Variants in RBFOX1 observed in about 807,000 individuals in gnomAD.
RBFOX1 encodes the protein RNA binding fox-1 homolog 1.
Under a neutral mutation model 57.7 loss-of-function variants are expected in RBFOX1, and 8 were observed. The ratio of observed to expected loss-of-function variants is 0.14; its 90% CI spans 0.08 to 0.25. The LOEUF (loss-of-function observed/expected upper bound fraction) is 0.25. Ranked by LOEUF, RBFOX1 falls within the 10% of genes least tolerant of loss-of-function variation. The pLI is 1.00. For missense variants in RBFOX1, 611 were observed against 548.5 expected (o/e 1.11, Z -1.14); for synonymous variants, 326 against 222.4 (o/e 1.47, Z -4.15).
At chr16:6,579,521 A>C (rs916101991) in intron 2 of RBFOX1, among the ~76,000 whole-genome samples, 1 of 152,152 alleles carries the variant, frequency 6.6e-6, no homozygotes, top group Non-Finnish European at 1.5e-5. Flanking sequence ...GAGTTCTCAC[A>C]AAACCTAATG....
intron 2 of RBFOX1, among the ~76,000 whole-genome samples, chr16:6,521,558 C>G (rs1250900144): frequency 6.7e-6 from 1 of 148,172 alleles, no homozygotes; most frequent in Non-Finnish European, 1.5e-5. Flanking sequence ...CCTTCCCTCG[C>G]TCTCTTTGTC....
At chr16:7,510,472 T>C (rs570890889) in intron 4 of RBFOX1, among the ~76,000 whole-genome samples, 17 of 130,882 alleles carry the variant, frequency 1.3e-4, no homozygotes, top group Non-Finnish European at 2.0e-4. Flanking sequence ...AGAGAGTGTG[T>C]GTGTGTATGT....
chr16:6,424,081 T>C (rs1000614568), intron 2 of RBFOX1, among the ~76,000 whole-genome samples: 1 of 151,946 alleles, frequency 6.6e-6, no homozygotes, highest in Non-Finnish European at 1.5e-5. Context: ...CTACTAAAAA[T>C]AACAAAAATC....
intron 3 of RBFOX1, among the ~76,000 whole-genome samples, chr16:6,836,488 T>C (rs889112476): frequency 6.6e-6 from 1 of 152,236 alleles, no homozygotes; most frequent in South Asian, 2.1e-4. Flanking sequence ...GCTTTCTGTA[T>C]CACTTCAAAC....
intron 4 of RBFOX1, among the ~76,000 whole-genome samples, chr16:7,413,805 A>C (rs1016503992): frequency 6.6e-6 from 1 of 152,028 alleles, no homozygotes; most frequent in East Asian, 1.9e-4. Flanking sequence ...GATCCCAGGT[A>C]CCTCTCATGA....
chr16:6,472,942 C>T (rs536132895), intron 2 of RBFOX1, among the ~76,000 whole-genome samples: 1 of 152,030 alleles, frequency 6.6e-6, no homozygotes, highest in African/African-American at 2.4e-5. Flanking sequence ...TTATTTAGGA[C>T]CCTCAAGGAA....
chr16:6,587,246 T>A (rs1345959507), intron 2 of RBFOX1, among the ~76,000 whole-genome samples: 1 of 152,078 alleles, frequency 6.6e-6, no homozygotes, highest in Non-Finnish European at 1.5e-5. Flanking sequence ...TTCTTTAAGA[T>A]TCCACATACA....
At chr16:6,925,808 C>T (rs1229998327) in intron 3 of RBFOX1, among the ~76,000 whole-genome samples, 1 of 152,008 alleles carries the variant, frequency 6.6e-6, no homozygotes, top group South Asian at 2.1e-4. Context: ...TAAAATAAGC[C>T]TGGCGAAATT....
chr16:6,913,767 G>C (rs1231018915), intron 3 of RBFOX1, among the ~76,000 whole-genome samples: 10 of 152,162 alleles, frequency 6.6e-5, no homozygotes. Flanking sequence ...TAAGTCCACT[G>C]TGGGAAGCTA....
intron 12 of RBFOX1, 163 bp from the exon 13 acceptor site, chr16:7,664,766 A>G (rs1053191242): frequency 7.8e-7 from 1 of 1,284,574 alleles, no homozygotes; most frequent in African/African-American, 1.5e-5. Flanking sequence ...CGGTTTGCTC[A>G]ACTGCCGTTG....
chr16:6,438,512 C>G (rs1290786475), intron 2 of RBFOX1, among the ~76,000 whole-genome samples: 1 of 152,160 alleles, frequency 6.6e-6, no homozygotes, highest in Non-Finnish European at 1.5e-5. Context: ...AGACTTTAGA[C>G]ATTGTTTGGT....
intron 4 of RBFOX1, among the ~76,000 whole-genome samples, chr16:7,111,745 G>C (rs1453599471): frequency 7.1e-6 from 1 of 140,500 alleles, no homozygotes; most frequent in East Asian, 2.2e-4. Context: ...TATTCTGATT[G>C]TTATTTTGTA....
chr16:6,701,260 C>G (rs572700849), intron 3 of RBFOX1, among the ~76,000 whole-genome samples: 1 of 152,196 alleles, frequency 6.6e-6, no homozygotes, highest in Non-Finnish European at 1.5e-5. Flanking sequence ...AGGAGGCTCT[C>G]TGCAGCTGAC....
chr16:6,249,003 C>T (rs563278053), intron 1 of RBFOX1, among the ~76,000 whole-genome samples: 128 of 152,164 alleles, frequency 8.4e-4, no homozygotes, highest in African/African-American at 2.7e-3. Flanking sequence ...CTCCATGAGC[C>T]GTATGTTCAT....
chr16:5,630,466 G>A (rs9924085), intron 3 of RBFOX1, among the ~76,000 whole-genome samples: 15,533 of 151,392 alleles, frequency 0.1, 2,674 homozygotes, highest in African/African-American at 0.36. Flanking sequence ...CGAAAAAAAA[G>A]AAAGAAAAAA....
intron 3 of RBFOX1, among the ~76,000 whole-genome samples, chr16:5,615,686 G>A (rs541923280): frequency 3.3e-5 from 5 of 152,300 alleles, no homozygotes; most frequent in African/African-American, 1.2e-4. Context: ...CCGTTTCTAT[G>A]TGTCAAGAAG....
intron 3 of RBFOX1, among the ~76,000 whole-genome samples, chr16:6,842,215 A>C (rs547464228): frequency 6.6e-6 from 1 of 152,190 alleles, no homozygotes; most frequent in South Asian, 2.1e-4. Context: ...TAGCTATTTG[A>C]GTAGTCTCAG....
chr16:5,372,051 A>T (rs2065871445), intron 1 of RBFOX1, among the ~76,000 whole-genome samples: 1 of 152,212 alleles, frequency 6.6e-6, no homozygotes, highest in Admixed American at 6.5e-5. Context: ...GAGCAAAAGG[A>T]CTGGAGATGT....
intron 3 of RBFOX1, among the ~76,000 whole-genome samples, chr16:6,716,292 A>C (rs1204719686): frequency 6.6e-6 from 1 of 152,162 alleles, no homozygotes; most frequent in Non-Finnish European, 1.5e-5. Flanking sequence ...TGCTTTTCAT[A>C]AACAACTTCC....
Sources: gnomAD v4.1 joint callset for allele counts (sites outside exome capture counted in the v4.1 genomes callset) on GRCh38, gnomAD v4.1.1 for gene constraint, MANE v1.5 for transcripts, NCBI Gene and HGNC (gene_info 2026-07-23, HGNC 2026-07-21) for gene names.